The following GRIA4 variants were observed in gnomAD, a reference collection of about 807,000 sequenced individuals.
GRIA4 encodes glutamate receptor 4.
Under a neutral mutation model 104.0 loss-of-function variants are expected in GRIA4, and 34 were observed. The ratio of observed to expected loss-of-function variants is 0.33; its 90% CI spans 0.25 to 0.44. The LOEUF (loss-of-function observed/expected upper bound fraction) is 0.44. GRIA4 is among the 20% of genes least tolerant of loss of function. The pLI is 1.00. For missense variants in GRIA4, 750 were observed against 1,096.5 expected (o/e 0.68, Z 4.46); for synonymous variants, 386 against 381.9 (o/e 1.01, Z -0.13).
chr11:105,969,636 C>T (rs1468445841), intron 14 of GRIA4, among the ~76,000 whole-genome samples: 2 of 152,140 alleles, frequency 1.3e-5, no homozygotes, highest in Non-Finnish European at 2.9e-5. Flanking sequence ...AACTTTCCTC[C>T]AGTTTTCAGC....
chr11:105,790,875 A>G (rs1942185158), intron 4 of GRIA4, among the ~76,000 whole-genome samples: 2 of 152,176 alleles, frequency 1.3e-5, no homozygotes, highest in Admixed American at 1.3e-4. Context: ...TTTCCTTTTT[A>G]TGTGGTTTGA....
At chr11:105,622,258 C>T (rs1950767113) in intron 3 of GRIA4, among the ~76,000 whole-genome samples, 1 of 151,718 alleles carries the variant, frequency 6.6e-6, no homozygotes, top group Admixed American at 6.6e-5. Context: ...TATTATTCTA[C>T]ATTTTTTCTA....
intron 5 of GRIA4, among the ~76,000 whole-genome samples, chr11:105,864,891 G>T (rs1178674468): frequency 6.6e-6 from 1 of 152,002 alleles, no homozygotes; most frequent in Non-Finnish European, 1.5e-5. Context: ...ATTTCTAGAA[G>T]GATGGGCACA....
chr11:105,961,112 A>AT (rs1948735502), intron 14 of GRIA4, among the ~76,000 whole-genome samples: 1 of 152,220 alleles, frequency 6.6e-6, no homozygotes, highest in Non-Finnish European at 1.5e-5. Flanking sequence ...GTGAATGAGA[A>AT]TGCCTGCTCC....
At chr11:105,730,608 C>T (rs759723686) in intron 3 of GRIA4, among the ~76,000 whole-genome samples, 4 of 152,130 alleles carry the variant, frequency 2.6e-5, no homozygotes, top group Admixed American at 1.3e-4. Flanking sequence ...GGAGGCATCA[C>T]GCTACCTGAC....
chr11:105,943,884 A>C (rs1258472), intron 14 of GRIA4, among the ~76,000 whole-genome samples: 52,371 of 151,448 alleles, frequency 0.35, 9,713 homozygotes, highest in East Asian at 0.53. Flanking sequence ...CTCTCTCTAT[A>C]TATATATATA....
intron 4 of GRIA4, among the ~76,000 whole-genome samples, chr11:105,834,648 A>G (rs755634548): frequency 1.3e-4 from 20 of 152,038 alleles, no homozygotes; most frequent in African/African-American, 4.6e-4. Context: ...GAAATATGCA[A>G]TGAAACATAG....
At chr11:105,941,612 C>G (rs997042001) in intron 14 of GRIA4, among the ~76,000 whole-genome samples, 4 of 151,914 alleles carry the variant, frequency 2.6e-5, no homozygotes, top group Non-Finnish European at 4.4e-5. Context: ...AGATAAGTTT[C>G]TACAGAAATG....
chr11:105,712,493 G>A (rs545115595), intron 3 of GRIA4, among the ~76,000 whole-genome samples: 1 of 151,952 alleles, frequency 6.6e-6, no homozygotes, highest in East Asian at 1.9e-4. Context: ...CATATAAATG[G>A]AAAAGGGATA....
intron 4 of GRIA4, among the ~76,000 whole-genome samples, chr11:105,800,770 T>C (rs1942686644): frequency 1.1e-5 from 1 of 91,658 alleles, no homozygotes; most frequent in Non-Finnish European, 2.2e-5. Flanking sequence ...TTACTTCTGC[T>C]ACATTAAAAA....
intron 5 of GRIA4, among the ~76,000 whole-genome samples, chr11:105,865,750 T>C (rs576890509): frequency 2.6e-4 from 39 of 152,332 alleles, no homozygotes; most frequent in African/African-American, 5.3e-4. Flanking sequence ...CAATTGAACA[T>C]TGAAGTGTCA....
intron 3 of GRIA4, among the ~76,000 whole-genome samples, chr11:105,626,565 G>C (rs894926994): frequency 6.6e-6 from 1 of 152,116 alleles, no homozygotes; most frequent in Non-Finnish European, 1.5e-5. Context: ...CATTGAAATT[G>C]TGAATCATTT....
intron 4 of GRIA4, among the ~76,000 whole-genome samples, chr11:105,774,696 G>A (rs565111054): frequency 1.3e-5 from 2 of 152,124 alleles, no homozygotes; most frequent in South Asian, 2.1e-4. Context: ...CAATAAAAGA[G>A]AATAAAGAAA....
intron 4 of GRIA4, among the ~76,000 whole-genome samples, chr11:105,784,039 G>C (rs1242798475): frequency 6.6e-6 from 1 of 152,080 alleles, no homozygotes; most frequent in African/African-American, 2.4e-5. Context: ...GCTGGCCTTG[G>C]ATTGCTGAAT....
chr11:105,965,100 C>A (rs1948834499), intron 14 of GRIA4, among the ~76,000 whole-genome samples: 1 of 152,228 alleles, frequency 6.6e-6, no homozygotes, highest in Non-Finnish European at 1.5e-5. Flanking sequence ...AGCCACCGCA[C>A]CTGGCCCATG....
chr11:105,910,427 T>A lies in GRIA4; in HGVS notation c.1159-8T>A. On this transcript the variant is annotated splice_polypyrimidine_tract_variant and splice_region_variant and intron_variant, in intron 9 of 16. Coordinates refer to ENST00000282499, the MANE Select transcript of GRIA4 (RefSeq NM_000829.4). ...AATATGTTTTCAAGCATGTTCTCTA[T>A]TTGGCAGGTTGGTTACTGGAATGAT... 7.3e-7 allele frequency: 1 copy of A among 1,364,694 alleles called. No individual in the cohort carries two copies. The highest frequency in any genetic ancestry group is 1.0e-6 in the Non-Finnish European group (1 of 952,630). The allele number at this position is 1,364,694 out of a possible 1,614,324, so 84.5% of individuals were successfully genotyped here. A position where few individuals can be genotyped will look rare whatever the true frequency, so the allele number is the denominator to read the frequency against.
At chr11:105,766,679 G>A (rs769164859) in intron 4 of GRIA4, among the ~76,000 whole-genome samples, 2 of 152,048 alleles carry the variant, frequency 1.3e-5, no homozygotes, top group African/African-American at 2.4e-5. Context: ...TTGTTAGCAG[G>A]TTTCTCACTG....
At chr11:105,808,823 G>A (rs1943058256) in intron 4 of GRIA4, among the ~76,000 whole-genome samples, 1 of 151,964 alleles carries the variant, frequency 6.6e-6, no homozygotes, top group Non-Finnish European at 1.5e-5. Flanking sequence ...TAATAACAAA[G>A]CAGGAACAGA....
Position 105,794,495 on chromosome 11 carries a change from A to G in GRIA4, c.487+41275A>G, listed in dbSNP as rs1164125678. 5.8e-5 allele frequency among the ~76,000 whole-genome samples: 7 copies of G among 119,806 alleles called. 1 individual carries two copies. The highest frequency in any genetic ancestry group is 4.9e-4 in the Admixed American group (6 of 12,128). The allele number at this position is 119,806 out of a possible 152,430, so 78.6% of individuals were successfully genotyped here. On this transcript the variant is annotated intron_variant, in intron 4 of 16. Coordinates refer to ENST00000282499, the MANE Select transcript of GRIA4 (RefSeq NM_000829.4). ...TATGTATATATATATATATATATATATATATATATATATATATACATATAC... is the reference window on the plus strand; with the variant it reads ...TATGTATATATATATATATATATATGTATATATATATATATATACATATAC...
Sources: allele counts gnomAD v4.1 joint callset (sites outside exome capture counted in the v4.1 genomes callset), GRCh38; gene constraint gnomAD v4.1.1; transcripts MANE v1.5; gene names NCBI Gene and HGNC (gene_info 2026-07-23, HGNC 2026-07-21).